GALNT13: variants seen among roughly 807,000 people sequenced by gnomAD.
GALNT13 encodes the protein UDP-GalNAc:polypeptide N-acetylgalactosaminyltransferase 13.
Under a neutral mutation model 64.2 loss-of-function variants are expected in GALNT13, and 28 were observed. The observed-to-expected ratio is 0.44, with a 90% confidence interval of 0.32 to 0.60. The LOEUF (loss-of-function observed/expected upper bound fraction) is 0.60, where lower values mean the gene tolerates loss of function less well. GALNT13 is among the 20% of genes least tolerant of loss of function. GALNT13 has a pLI of 0.05. For synonymous variants in GALNT13, 214 were observed against 224.6 expected, an observed-to-expected ratio of 0.95 and a Z score of 0.42; for missense variants, 577 against 669.8, an observed-to-expected ratio of 0.86 and a Z score of 1.53.
chr2:153,372,189 G>A, the GALNT13 span, among the ~76,000 whole-genome samples: 3 of 152,232 alleles, frequency 2.0e-5, no homozygotes, highest in Non-Finnish European at 2.9e-5. Flanking sequence ...ATGTGGTTTC[G>A]TATTTAATGG....
At chr2:153,361,553 A>G in the GALNT13 span, among the ~76,000 whole-genome samples, 4 of 152,096 alleles carry the variant, frequency 2.6e-5, no homozygotes, top group East Asian at 7.7e-4. Context: ...TGAAAAACAC[A>G]GCATGAGAAC....
chr2:153,257,752 G>A, the GALNT13 span, among the ~76,000 whole-genome samples: 1 of 152,096 alleles, frequency 6.6e-6, no homozygotes, highest in African/African-American at 2.4e-5. Flanking sequence ...CTATTTGTGA[G>A]TATTCTTAAC....
the GALNT13 span, among the ~76,000 whole-genome samples, chr2:153,433,462 T>C: frequency 6.6e-6 from 1 of 152,216 alleles, no homozygotes; most frequent in Non-Finnish European, 1.5e-5. Flanking sequence ...ATTATTCTTA[T>C]AGAATACTGT....
chr2:153,344,085 A>G, the GALNT13 span, among the ~76,000 whole-genome samples: 1 of 152,228 alleles, frequency 6.6e-6, no homozygotes, highest in African/African-American at 2.4e-5. Context: ...ATTTGAGAGT[A>G]ATTTGCCAAC....
chr2:153,660,059 A>ATAT, the GALNT13 span, among the ~76,000 whole-genome samples: 2 of 152,162 alleles, frequency 1.3e-5, no homozygotes, highest in Non-Finnish European at 2.9e-5. Flanking sequence ...CCTGGTACAT[A>ATAT]TATTATAGTG....
chr2:153,256,247 A>C, the GALNT13 span, among the ~76,000 whole-genome samples: 1 of 151,560 alleles, frequency 6.6e-6, no homozygotes, highest in East Asian at 1.9e-4. Flanking sequence ...CCTTTCTTCC[A>C]GTTGATCGCA....
At chr2:154,020,010 G>A (rs1697330420) in intron 3 of GALNT13, among the ~76,000 whole-genome samples, 1 of 152,092 alleles carries the variant, frequency 6.6e-6, no homozygotes, top group Non-Finnish European at 1.5e-5. Context: ...TTTCATCCAT[G>A]TCTCTACAAA....
chr2:153,196,079 G>A, the GALNT13 span, among the ~76,000 whole-genome samples: 1 of 152,208 alleles, frequency 6.6e-6, no homozygotes, highest in Non-Finnish European at 1.5e-5. Context: ...CACACTGACT[G>A]GTCCTTGGGC....
intron 4 of GALNT13, among the ~76,000 whole-genome samples, chr2:154,161,286 G>T (rs1455986588): frequency 1.3e-5 from 2 of 152,190 alleles, no homozygotes; most frequent in East Asian, 3.9e-4. Context: ...TATTATTAAT[G>T]AATATTCTGC....
intron 3 of GALNT13, among the ~76,000 whole-genome samples, chr2:153,975,239 A>G (rs1263423082): frequency 6.6e-6 from 1 of 152,074 alleles, no homozygotes; most frequent in East Asian, 1.9e-4. Context: ...CATTCCTAAC[A>G]ATGATTACAT....
intron 3 of GALNT13, among the ~76,000 whole-genome samples, chr2:153,981,264 T>A (rs1174711431): frequency 6.6e-6 from 1 of 152,260 alleles, no homozygotes; most frequent in African/African-American, 2.4e-5. Flanking sequence ...ATATGCACAA[T>A]GTGCAGGTTT....
At chr2:153,349,918 G>A in the GALNT13 span, among the ~76,000 whole-genome samples, 1 of 152,032 alleles carries the variant, frequency 6.6e-6, no homozygotes, top group South Asian at 2.1e-4. Context: ...TAAGAGATTT[G>A]GACAAAACAT....
At chr2:154,395,924 A>G in intron 9 of GALNT13, 67 bp from the exon 10 acceptor site, 1 of 1,357,178 alleles carries the variant, frequency 7.4e-7, no homozygotes. Flanking sequence ...TAGCAAAGTA[A>G]ATGTAGTAAA....
the GALNT13 span, among the ~76,000 whole-genome samples, chr2:153,813,433 A>G: frequency 3.9e-5 from 6 of 152,210 alleles, no homozygotes; most frequent in African/African-American, 1.2e-4. Flanking sequence ...CCATGCAGCT[A>G]TAGGTCTCTT....
chr2:153,842,840 G>A, the GALNT13 span, among the ~76,000 whole-genome samples: 1 of 152,040 alleles, frequency 6.6e-6, no homozygotes, highest in African/African-American at 2.4e-5. Flanking sequence ...GAACATATAT[G>A]ACAAGATTGA....
At chr2:153,672,191 A>T in the GALNT13 span, among the ~76,000 whole-genome samples, 32 of 152,296 alleles carry the variant, frequency 2.1e-4, no homozygotes, top group East Asian at 6.2e-3. Context: ...TCAGCTCTGG[A>T]CCAAGCAGAC....
At chr2:154,270,085 C>T (rs963931670) in intron 8 of GALNT13, among the ~76,000 whole-genome samples, 4 of 150,784 alleles carry the variant, frequency 2.7e-5, no homozygotes. Flanking sequence ...AATAAGTGAA[C>T]AACAGGTAAA....
At chr2:153,532,460 C>G in the GALNT13 span, among the ~76,000 whole-genome samples, 1 of 152,170 alleles carries the variant, frequency 6.6e-6, no homozygotes, top group African/African-American at 2.4e-5. Flanking sequence ...ATTGGAGAGT[C>G]TACCTCAAAG....
chr2:153,724,344 T>C, the GALNT13 span, among the ~76,000 whole-genome samples: 1 of 129,494 alleles, frequency 7.7e-6, no homozygotes, highest in East Asian at 2.2e-4. Flanking sequence ...CCTAAAACCA[T>C]AAAAACCCTA....
Sources: gnomAD v4.1 joint callset for allele counts (sites outside exome capture counted in the v4.1 genomes callset) on GRCh38, gnomAD v4.1.1 for gene constraint, MANE v1.5 for transcripts, NCBI Gene and HGNC (gene_info 2026-07-23, HGNC 2026-07-21) for gene names.